ZSWIM3: variants seen among roughly 807,000 people sequenced by gnomAD.
ZSWIM3 encodes the protein zinc finger SWIM domain-containing protein 3.
A neutral mutation model predicts 47.5 loss-of-function variants in ZSWIM3; 27 were observed. The observed-to-expected ratio is 0.57, with a 90% confidence interval of 0.42 to 0.78. The LOEUF (loss-of-function observed/expected upper bound fraction) is 0.78, where lower values mean the gene tolerates loss of function less well. Ranked by LOEUF, ZSWIM3 falls within the 30% of genes least tolerant of loss-of-function variation. The probability of loss-of-function intolerance (pLI) is 0.00; values close to 1 mark genes in which losing one functional copy is unlikely to be tolerated. For synonymous variants in ZSWIM3, 333 were observed against 333.9 expected (o/e 1.00, Z 0.03); for missense variants, 689 against 861.3 (o/e 0.80, Z 2.50).
At chr20:45,875,731 G>C (rs1986076026) in intron 1 of ZSWIM3, among the ~76,000 whole-genome samples, 1 of 112,590 alleles carries the variant, frequency 8.9e-6, no homozygotes. Flanking sequence ...TCAAACTCCT[G>C]ACCTTGTGAT....
In ZSWIM3 at chr20:45,878,174, C is replaced by T. The variant is rs1986152560; in HGVS notation, c.1616C>T (p.Ser539Phe). The T allele has an allele frequency of 1.2e-6, 2 of 1,614,108 alleles. No individual in the cohort carries two copies. Among genetic ancestry groups the T allele is most frequent in the Admixed American group, 1.7e-5 (1 of 60,014 alleles). Reference sequence around the variant, plus strand: ...GTGGACGTTCAGCTGCTAGAGGACTCTCACCAGGTTAGCAAAGATGGCTGT... The same window carrying T: ...GTGGACGTTCAGCTGCTAGAGGACTTTCACCAGGTTAGCAAAGATGGCTGT... Reference protein sequence around the residue: ...SSVDVQLLEDSHQVSKDGCSC... With the variant: ...SSVDVQLLEDFHQVSKDGCSC... The change falls in exon 2 of 2, where the codon TCT becomes TTT. Residue 539 changes from serine to phenylalanine, a missense_variant. Physicochemically the swap from Ser to Phe is radical, Grantham distance 155. Coordinates refer to ENST00000255152, the MANE Select transcript of ZSWIM3 (RefSeq NM_080752.4).
intron 1 of ZSWIM3, among the ~76,000 whole-genome samples, chr20:45,860,084 T>A (rs1202108612): frequency 2.6e-5 from 4 of 152,182 alleles, no homozygotes; most frequent in Non-Finnish European, 5.9e-5. Context: ...CTCTAGTGAA[T>A]TACCACAAGT....
chr20:45,876,675 G>C, intron 1 of ZSWIM3, 39 bp from the exon 2 acceptor site: 1 of 1,580,196 alleles, frequency 6.3e-7, no homozygotes, highest in Non-Finnish European at 8.6e-7. Context: ...GGTGGGGGGT[G>C]GTCAGCACCT....
intron 1 of ZSWIM3, among the ~76,000 whole-genome samples, chr20:45,866,287 G>C (rs1001900251): frequency 6.6e-6 from 1 of 152,094 alleles, no homozygotes; most frequent in Non-Finnish European, 1.5e-5. Context: ...GACAGAGCGA[G>C]ACTCCATCTC....
intron 1 of ZSWIM3, among the ~76,000 whole-genome samples, chr20:45,858,616 C>T (rs775117619): frequency 6.6e-6 from 1 of 152,166 alleles, no homozygotes; most frequent in Non-Finnish European, 1.5e-5. Flanking sequence ...CTGGACTAAG[C>T]GATCTTTCGG....
At position 45,877,355 on chromosome 20, in the gene ZSWIM3, T is replaced by C. The variant is rs1259140246; in HGVS notation, c.797T>C (p.Leu266Pro). ...ACAGTCACCTCTGTGGCCAAGATGC[T>C]GAGCATCTTCACAGAGTTCAACTCC... ...AETVTSVAKM[L>P]SIFTEFNSDW... The change falls in exon 2 of 2, where the codon CTG (leucine) becomes CCG (proline). Residue 266 changes from leucine to proline, a missense_variant. By Grantham distance (98) the Leu-to-Pro change is moderately conservative (BLOSUM62 -3). Coordinates refer to ENST00000255152, the MANE Select transcript of ZSWIM3 (RefSeq NM_080752.4). 1.2e-6 allele frequency: 2 copies of C among 1,614,202 alleles called. No homozygotes were observed. Among genetic ancestry groups the C allele is most frequent in the Non-Finnish European group, 1.7e-6 (2 of 1,180,026 alleles).
intron 1 of ZSWIM3, among the ~76,000 whole-genome samples, chr20:45,874,876 G>A (rs1001669995): frequency 6.6e-6 from 1 of 152,016 alleles, no homozygotes; most frequent in Non-Finnish European, 1.5e-5. Flanking sequence ...AGTTGGAGAG[G>A]CTCTTAAAGA....
Position 45,878,736 on chromosome 20 carries a change from A to G in ZSWIM3, c.*87A>G, listed in dbSNP as rs1986173175. 6 of 1,478,876 alleles carry G rather than the reference A, an allele frequency of 4.1e-6. No individual in the cohort carries two copies. Among genetic ancestry groups the G allele is most frequent in the Non-Finnish European group, 5.4e-6 (6 of 1,108,014 alleles). The allele number at this position is 1,478,876 out of a possible 1,614,324, so 91.6% of individuals were successfully genotyped here. A position where few individuals can be genotyped will look rare whatever the true frequency, so the allele number is the denominator to read the frequency against. On this transcript the variant is annotated 3_prime_UTR_variant, in exon 2 of 2. Coordinates refer to ENST00000255152, the MANE Select transcript of ZSWIM3 (RefSeq NM_080752.4). The stretch of plus-strand genomic sequence containing the variant: ...TGGGCAGGACATACTAGGGTTTAGC[A>G]TTTTAGCCAATGTCTTCCTAGGTGG...
At chr20:45,859,394 T>C (rs1248954214) in intron 1 of ZSWIM3, among the ~76,000 whole-genome samples, 1 of 144,126 alleles carries the variant, frequency 6.9e-6, no homozygotes, top group Non-Finnish European at 1.5e-5. Context: ...AGCAAACTGG[T>C]GTGTGATAAA....
chr20:45,873,135 C>T (rs552320129), intron 1 of ZSWIM3, among the ~76,000 whole-genome samples: 159 of 152,314 alleles, frequency 1.0e-3, no homozygotes, highest in African/African-American at 3.7e-3. Context: ...GGCGCAGTTG[C>T]TCACGCCTGT....
Position 45,876,875 on chromosome 20 carries a change from A to T in ZSWIM3, c.317A>T (p.Lys106Ile), listed in dbSNP as rs763966770. ...LNTQHIHGDS[K>I]VASPGGDTTG... The stretch of plus-strand genomic sequence containing the variant: ...ACACAGCACATACATGGTGACTCTA[A>T]AGTGGCTAGTCCTGGAGGAGACACC... Residue 106 changes from lysine (K) to isoleucine (I), a missense_variant, in exon 2 of 2, where the codon AAA becomes ATA. Transcript: ENST00000255152. 2.0e-5 allele frequency: 33 copies of T among 1,614,018 alleles called. No homozygotes were observed. The East Asian group carries it at 6.9e-4, about 34-fold the overall frequency.
rs778495385 is a variant in ZSWIM3 at position 45,878,254 on chromosome 20, G to T, written c.1696G>T (p.Ala566Ser). The T allele has an allele frequency of 1.2e-6, 2 of 1,614,172 alleles. No homozygotes were observed. Among genetic ancestry groups the T allele is most frequent in the Non-Finnish European group, 1.7e-6 (2 of 1,180,036 alleles). ...WYHLPCRHILALLHTSQQPVG... is the reference protein window; with the variant it reads ...WYHLPCRHILSLLHTSQQPVG... ...CCACCTGCCATGCCGACACATTTTG[G>T]CTCTGCTGCACACCAGCCAGCAGCC... Residue 566 changes from alanine to serine, a missense_variant, in exon 2 of 2, where the codon GCT (alanine) becomes TCT (serine). Ala to Ser is a moderately conservative substitution (Grantham distance 99, BLOSUM62 1). Transcript: ENST00000255152.
At chr20:45,865,442 C>T (rs1377030015) in intron 1 of ZSWIM3, among the ~76,000 whole-genome samples, 6 of 151,996 alleles carry the variant, frequency 3.9e-5, no homozygotes, top group African/African-American at 1.2e-4. Flanking sequence ...GAGCCAAGAT[C>T]GTGCCACTGT....
In ZSWIM3 at chr20:45,878,753, C is replaced by T. The variant is rs1326799257; in HGVS notation, c.*104C>T. ...GGTTTAGCATTTTAGCCAATGTCTTCCTAGGTGGGGCTAGGAATATTGTTA... is the reference window on the plus strand; with the variant it reads ...GGTTTAGCATTTTAGCCAATGTCTTTCTAGGTGGGGCTAGGAATATTGTTA... On this transcript the variant is annotated 3_prime_UTR_variant, in exon 2 of 2. Transcript: ENST00000255152. The T allele has an allele frequency of 7.1e-7, 1 of 1,405,520 alleles. No individual in the cohort carries two copies. Among genetic ancestry groups the T allele is most frequent in the African/African-American group, 1.4e-5 (1 of 69,628 alleles). 87.1% of individuals were successfully genotyped at this position (1,405,520 alleles called of 1,614,324 possible). A position where few individuals can be genotyped will look rare whatever the true frequency, so the allele number is the denominator to read the frequency against.
chr20:45,873,864 G>T (rs963388473), intron 1 of ZSWIM3, among the ~76,000 whole-genome samples: 2 of 152,170 alleles, frequency 1.3e-5, no homozygotes, highest in Admixed American at 6.5e-5. Context: ...CAATTACTGT[G>T]GCTTGGGGGC....
chr20:45,872,771 C>T (rs758020016), intron 1 of ZSWIM3: 2 of 1,289,404 alleles, frequency 1.6e-6, no homozygotes, highest in Non-Finnish European at 2.0e-6. Context: ...ACTGCTCCAG[C>T]CCTTCCTGGC....
At chr20:45,870,064 G>A (rs56321542) in intron 1 of ZSWIM3, among the ~76,000 whole-genome samples, 76,646 of 136,000 alleles carry the variant, frequency 0.56, 21,862 homozygotes, top group Admixed American at 0.64. Context: ...AAAAAAAAAA[G>A]AAAAGGCCAA....
rs199802593 is a variant in ZSWIM3, at chr20:45,877,516, C to T, written c.958C>T (p.Arg320Cys). The T allele has an allele frequency of 2.5e-5, 40 of 1,614,078 alleles. 1 individual carries two copies. The highest frequency in any genetic ancestry group is 2.0e-4 in the Admixed American group (12 of 60,000). The change falls in exon 2 of 2, where the codon CGT (arginine) becomes TGT (cysteine). Residue 320 changes from arginine to cysteine, a missense_variant. Physicochemically the swap from Arg to Cys is radical, Grantham distance 180 (BLOSUM62 -3). Coordinates refer to ENST00000255152, the MANE Select transcript of ZSWIM3 (RefSeq NM_080752.4). ...TTRLLEKKLH[R>C]SSANPSFKRL... ...CCGACTCTTGGAGAAGAAGTTGCAT[C>T]GTAGTTCAGCAAATCCATCCTTTAA...
Position 45,878,019 on chromosome 20 carries a change from G to A in ZSWIM3, c.1461G>A (p.Val487=). 1.2e-6 allele frequency: 2 copies of A among 1,614,108 alleles called. No homozygotes were observed. The highest frequency in any genetic ancestry group is 1.7e-6 in the Non-Finnish European group (2 of 1,180,010). The change falls in exon 2 of 2, where the codon GTG becomes GTA. Residue 487 remains valine, a synonymous_variant. Coordinates refer to ENST00000255152, the MANE Select transcript of ZSWIM3 (RefSeq NM_080752.4). ...QQVQVQQQSQ[V]PPSQVGMLDT... is the part of the protein sequence containing the mutation. ...TACAGGTACAGCAGCAGTCACAAGT[G>A]CCGCCCTCGCAGGTTGGCATGCTGG...
Sources: gnomAD v4.1 joint callset for allele counts (sites outside exome capture counted in the v4.1 genomes callset) on GRCh38, gnomAD v4.1.1 for gene constraint, MANE v1.5 for transcripts, NCBI Gene and HGNC (gene_info 2026-07-23, HGNC 2026-07-21) for gene names.